AGBL1: variants seen among roughly 807,000 people sequenced by gnomAD.
AGBL1 encodes the protein AGBL carboxypeptidase 1.
AGBL1 carries 130 observed loss-of-function variants against 118.9 expected under a neutral mutation model. That is an observed-to-expected ratio of 1.09 (90% CI 0.95 to 1.26). The LOEUF (loss-of-function observed/expected upper bound fraction) is 1.26, where lower values mean the gene tolerates loss of function less well. Ranked by LOEUF, AGBL1 falls within the 50% of genes most tolerant of loss-of-function variation. The pLI, the probability that AGBL1 is intolerant of heterozygous loss-of-function variation, is 0.00. For missense variants in AGBL1, 1,584 were observed against 1,298.1 expected (o/e 1.22, Z -3.38); for synonymous variants, 555 against 478.9 (o/e 1.16, Z -2.08).
chr15:86,511,822 G>T (rs2142179429), intron 18 of AGBL1, among the ~76,000 whole-genome samples: 2 of 151,922 alleles, frequency 1.3e-5, no homozygotes, highest in Middle Eastern at 3.4e-3. Context: ...ATGAAGTAGG[G>T]CTCATTTATT....
intron 18 of AGBL1, among the ~76,000 whole-genome samples, chr15:86,493,539 G>A (rs1406213787): frequency 6.6e-6 from 1 of 152,004 alleles, no homozygotes; most frequent in African/African-American, 2.4e-5. Flanking sequence ...GCATCTCTTG[G>A]CCCATTGAGA....
chr15:86,876,380 A>G (rs1201919690), intron 22 of AGBL1, among the ~76,000 whole-genome samples: 1 of 152,098 alleles, frequency 6.6e-6, no homozygotes, highest in Non-Finnish European at 1.5e-5. Flanking sequence ...GATGGAGGGC[A>G]TTCAGAATTG....
At chr15:86,935,367 C>T (rs2080657275) in intron 23 of AGBL1, among the ~76,000 whole-genome samples, 1 of 152,138 alleles carries the variant, frequency 6.6e-6, no homozygotes, top group Non-Finnish European at 1.5e-5. Context: ...ATTGGTGGTG[C>T]TCTAAGGCAT....
chr15:86,751,929 C>T (rs1197994206), intron 22 of AGBL1, among the ~76,000 whole-genome samples: 1 of 152,126 alleles, frequency 6.6e-6, no homozygotes, highest in Non-Finnish European at 1.5e-5. Flanking sequence ...AGATGTTCAT[C>T]TGTCATTAAA....
intron 21 of AGBL1, among the ~76,000 whole-genome samples, chr15:86,565,092 C>T (rs1187532684): frequency 2.0e-5 from 3 of 152,174 alleles, no homozygotes; most frequent in African/African-American, 4.8e-5. Context: ...TCCTTTAGCT[C>T]GGAGAAGTTT....
chr15:86,461,618 A>G (rs1421507863), intron 18 of AGBL1, among the ~76,000 whole-genome samples: 3 of 152,212 alleles, frequency 2.0e-5, no homozygotes, highest in Non-Finnish European at 2.9e-5. Flanking sequence ...TATAAGTGCC[A>G]TGTAATTTTC....
chr15:86,769,490 G>A (rs896615), intron 22 of AGBL1, among the ~76,000 whole-genome samples: 82,571 of 151,684 alleles, frequency 0.54, 23,613 homozygotes, highest in African/African-American at 0.71. Flanking sequence ...CCATGTCATT[G>A]ACTAAGGACT....
intron 18 of AGBL1, among the ~76,000 whole-genome samples, chr15:86,428,794 A>C (rs2081897885): frequency 6.6e-6 from 1 of 152,248 alleles, no homozygotes; most frequent in South Asian, 2.1e-4. Flanking sequence ...GAGTCTTTCC[A>C]AAAGCAAAGG....
chr15:87,012,194 C>T (rs925635256), intron 24 of AGBL1, among the ~76,000 whole-genome samples: 25 of 92,080 alleles, frequency 2.7e-4, no homozygotes, highest in African/African-American at 1.6e-3. Context: ...CAAATTTATA[C>T]ACACACACAC....
At chr15:87,027,576 T>G (rs919948560) in intron 24 of AGBL1, among the ~76,000 whole-genome samples, 1 of 151,918 alleles carries the variant, frequency 6.6e-6, no homozygotes, top group Non-Finnish European at 1.5e-5. Context: ...TAAAGATACA[T>G]GCACGTTTAT....
At chr15:86,365,042 T>TACACATATATATATAC (rs2080866988) in intron 17 of AGBL1, among the ~76,000 whole-genome samples, 1 of 112,838 alleles carries the variant, frequency 8.9e-6, no homozygotes, top group African/African-American at 3.5e-5. Context: ...CACATATATA[T>TACACATATATATATAC]ACACACATAT....
intron 7 of AGBL1, among the ~76,000 whole-genome samples, chr15:86,251,658 T>G (rs1440790050): frequency 1.3e-5 from 2 of 152,150 alleles, no homozygotes; most frequent in African/African-American, 2.4e-5. Context: ...CCTCTCTGTT[T>G]CCTGAGTCTC....
chr15:87,023,929 G>T (rs1392831485), intron 24 of AGBL1, among the ~76,000 whole-genome samples: 3 of 151,866 alleles, frequency 2.0e-5, no homozygotes, highest in African/African-American at 7.2e-5. Context: ...AAAATTCTTT[G>T]AACTGAATGA....
At chr15:86,770,715 C>T (rs1179250783) in intron 22 of AGBL1, among the ~76,000 whole-genome samples, 1 of 151,920 alleles carries the variant, frequency 6.6e-6, no homozygotes, top group Non-Finnish European at 1.5e-5. Context: ...CAAGCTCCCT[C>T]ACGGGCTGGG....
At position 86,848,700 on chromosome 15, in the gene AGBL1, T is replaced by A. The variant is rs114804480; in HGVS notation, c.3159-58387T>A. Among the ~76,000 whole-genome samples the A allele has an allele frequency of 9.1e-3, 1,382 of 152,322 alleles. 15 individuals are homozygous for A. Among genetic ancestry groups the A allele is most frequent in the African/African-American group, 0.023 (942 of 41,568 alleles). ...GCCTTTTAATAGATTTTGTTTGGGC[T>A]CTGGCTGATGATCCATGGTAGAAAA... On this transcript the variant is annotated intron_variant, in intron 22 of 22. Transcript: ENST00000614907.
intron 10 of AGBL1, 27 bp from the exon 11 acceptor site, chr15:86,264,231 A>G: frequency 1.3e-6 from 2 of 1,504,938 alleles, no homozygotes; most frequent in Non-Finnish European, 1.8e-6. Context: ...ACACACTAAC[A>G]TATTGTATTC....
At chr15:86,622,311 C>T (rs1184842437) in intron 21 of AGBL1, among the ~76,000 whole-genome samples, 1 of 134,888 alleles carries the variant, frequency 7.4e-6, no homozygotes, top group East Asian at 2.3e-4. Context: ...ACCTGGGTGA[C>T]AAGACTGAGA....
intron 18 of AGBL1, among the ~76,000 whole-genome samples, chr15:86,433,723 A>G (rs1284653019): frequency 6.6e-6 from 1 of 152,190 alleles, no homozygotes; most frequent in African/African-American, 2.4e-5. Flanking sequence ...TCCAAGCTTC[A>G]GCCTTTCTCT....
intron 17 of AGBL1, among the ~76,000 whole-genome samples, chr15:86,354,087 C>T (rs1324977984): frequency 1.3e-5 from 2 of 152,172 alleles, no homozygotes; most frequent in African/African-American, 4.8e-5. Context: ...AATGGCATGG[C>T]TGTCATGACT....
Sources: allele counts gnomAD v4.1 joint callset (sites outside exome capture counted in the v4.1 genomes callset), GRCh38; gene constraint gnomAD v4.1.1; transcripts MANE v1.5; gene names NCBI Gene and HGNC (gene_info 2026-07-23, HGNC 2026-07-21).